MUSK: variants seen among roughly 807,000 people sequenced by gnomAD.
MUSK encodes the protein muscle, skeletal receptor tyrosine-protein kinase.
MUSK carries 55 observed loss-of-function variants against 88.7 expected under a neutral mutation model. The observed-to-expected ratio is 0.62, with a 90% CI of 0.50 to 0.78. The LOEUF (loss-of-function observed/expected upper bound fraction) is 0.78. MUSK is among the 30% of genes least tolerant of loss of function. The pLI, the probability that MUSK is intolerant of heterozygous loss-of-function variation, is 0.00. For synonymous variants in MUSK, 387 were observed against 391.9 expected, an observed-to-expected ratio of 0.99 and a Z score of 0.15; for missense variants, 1,015 against 1,074.3, an observed-to-expected ratio of 0.94 and a Z score of 0.77.
intron 5 of MUSK, among the ~76,000 whole-genome samples, chr9:110,729,504 G>A (rs2131827793): frequency 6.6e-6 from 1 of 151,742 alleles, no homozygotes; most frequent in South Asian, 2.1e-4. Flanking sequence ...ATTTAAAACA[G>A]TACCTCCTTA....
chr9:110,720,470 G>A (rs758987434), intron 5 of MUSK, among the ~76,000 whole-genome samples: 1 of 151,928 alleles, frequency 6.6e-6, no homozygotes, highest in Non-Finnish European at 1.5e-5. Flanking sequence ...ACACCTTTAT[G>A]GACATAAACT....
intron 8 of MUSK, among the ~76,000 whole-genome samples, chr9:110,766,211 AG>A (rs1413912981): frequency 3.2e-4 from 48 of 152,280 alleles, no homozygotes; most frequent in African/African-American, 1.1e-3. Flanking sequence ...CTAGTGTCTA[AG>A]GTTTGCCTGA....
chr9:110,779,014 G>A (rs1434755274), intron 11 of MUSK, among the ~76,000 whole-genome samples: 1 of 139,932 alleles, frequency 7.1e-6, no homozygotes, highest in African/African-American at 2.5e-5. Flanking sequence ...ATAATGATCA[G>A]CTACTATTTT....
chr9:110,771,894 G>A (rs1210748163), intron 9 of MUSK, among the ~76,000 whole-genome samples: 1 of 152,026 alleles, frequency 6.6e-6, no homozygotes, highest in Non-Finnish European at 1.5e-5. Context: ...GAGGAATCAA[G>A]TCTCATCAAT....
intron 5 of MUSK, among the ~76,000 whole-genome samples, chr9:110,707,836 C>T (rs1197228294): frequency 3.3e-5 from 5 of 152,074 alleles, no homozygotes; most frequent in African/African-American, 4.8e-5. Context: ...CTTGTCAAAA[C>T]GTGGAGAGGC....
At chr9:110,762,159 CTTTAA>C in intron 7 of MUSK, 38 bp from the exon 8 acceptor site, 1 of 1,393,236 alleles carries the variant, frequency 7.2e-7, no homozygotes, top group Non-Finnish European at 9.4e-7. Flanking sequence ...TTCTTTTCTC[CTTTAA>C]TTTGACTTCC....
chr9:110,776,788 A>T (rs906572716), intron 11 of MUSK, 133 bp downstream of exon 11: 4 of 726,710 alleles, frequency 5.5e-6, no homozygotes, highest in African/African-American at 5.4e-5. Flanking sequence ...CACCATACTC[A>T]TCCAGGGTAT....
chr9:110,788,447 C>A (rs1467523022), intron 14 of MUSK, among the ~76,000 whole-genome samples: 2 of 151,824 alleles, frequency 1.3e-5, no homozygotes, highest in South Asian at 2.1e-4. Flanking sequence ...GCCTGGCGAA[C>A]AAGGTGAAAT....
chr9:110,684,816 T>A (rs972706519), intron 2 of MUSK, among the ~76,000 whole-genome samples: 17 of 152,308 alleles, frequency 1.1e-4, no homozygotes, highest in Middle Eastern at 6.8e-3. Context: ...TTTTTGTACA[T>A]TGATTTTGTA....
intron 3 of MUSK, among the ~76,000 whole-genome samples, chr9:110,689,989 A>AT (rs538315393): frequency 2.3e-5 from 2 of 87,950 alleles, no homozygotes; most frequent in Non-Finnish European, 3.8e-5. Flanking sequence ...TAAATATTAT[A>AT]ATTATATATT....
chr9:110,706,507 T>C (rs1587934196), intron 5 of MUSK, among the ~76,000 whole-genome samples: 1 of 152,248 alleles, frequency 6.6e-6, no homozygotes, highest in African/African-American at 2.4e-5. Flanking sequence ...CTTATATATC[T>C]GAAACCATTT....
At chr9:110,684,173 G>C (rs1031815151) in intron 2 of MUSK, among the ~76,000 whole-genome samples, 1 of 152,034 alleles carries the variant, frequency 6.6e-6, no homozygotes, top group Non-Finnish European at 1.5e-5. Context: ...AGAGAGATAG[G>C]GGTCTAGTTT....
intron 5 of MUSK, among the ~76,000 whole-genome samples, chr9:110,712,063 G>A (rs1464985099): frequency 6.6e-6 from 1 of 151,868 alleles, no homozygotes; most frequent in Non-Finnish European, 1.5e-5. Flanking sequence ...ATCTATAAAT[G>A]GGTCTGTCCT....
chr9:110,689,309 TTA>T (rs1186831143), intron 3 of MUSK, among the ~76,000 whole-genome samples: 1 of 116,556 alleles, frequency 8.6e-6, no homozygotes, highest in Non-Finnish European at 1.6e-5. Flanking sequence ...ATATTTATAT[TTA>T]AATATATATT....
chr9:110,708,399 T>C (rs1397939541), intron 5 of MUSK, among the ~76,000 whole-genome samples: 4 of 152,194 alleles, frequency 2.6e-5, no homozygotes, highest in African/African-American at 9.6e-5. Context: ...GATTGCAGTT[T>C]TAATAAAATT....
rs990530577 is a variant in MUSK, at chr9:110,804,428, T to A, written c.*3440T>A. On this transcript the variant is annotated 3_prime_UTR_variant, in exon 15 of 15. Transcript: ENST00000374448. The stretch of plus-strand genomic sequence containing the variant: ...TGCTTTCATAGATAATTTTCTGTTT[T>A]TTAGAAATCTTTTGTCTCTTTGGTT... Among the ~76,000 whole-genome samples the A allele has an allele frequency of 2.0e-5, 3 of 152,138 alleles. No homozygotes were observed. Among genetic ancestry groups the A allele is most frequent in the African/African-American group, 7.2e-5 (3 of 41,460 alleles).
rs1229852090 is a variant in MUSK, at chr9:110,695,351, GT to G, written c.359-49del. 5 of 1,246,758 alleles carry G rather than the reference GT, an allele frequency of 4.0e-6. No individual in the cohort carries two copies. In the African/African-American group the frequency reaches 4.7e-5, roughly 12 times the overall value. The allele number at this position is 1,246,758 out of a possible 1,614,324, so 77.2% of individuals were successfully genotyped here. On this transcript the variant is annotated intron_variant, in intron 3 of 14. Coordinates refer to ENST00000374448, the MANE Select transcript of MUSK (RefSeq NM_005592.4). ...TTAAATTGAAAGTTAGAAACTCTAG[GT>G]TTAATAAAGCCATATTGCCTTATTT...
intron 9 of MUSK, among the ~76,000 whole-genome samples, chr9:110,774,976 T>G (rs1486866453): frequency 6.6e-6 from 1 of 152,188 alleles, no homozygotes; most frequent in African/African-American, 2.4e-5. Flanking sequence ...TTTAATTATC[T>G]TTAATTTCCT....
chr9:110,706,416 C>A (rs911593036), intron 5 of MUSK, among the ~76,000 whole-genome samples: 1 of 152,010 alleles, frequency 6.6e-6, no homozygotes, highest in East Asian at 1.9e-4. Flanking sequence ...TTTTAAGAGA[C>A]AATTTTGTCT....
Sources: gnomAD v4.1 joint callset for allele counts (sites outside exome capture counted in the v4.1 genomes callset) on GRCh38, gnomAD v4.1.1 for gene constraint, MANE v1.5 for transcripts, NCBI Gene and HGNC (gene_info 2026-07-23, HGNC 2026-07-21) for gene names.